WIPI1: variants seen among roughly 807,000 people sequenced by gnomAD.
WIPI1 encodes the protein WD repeat domain, phosphoinositide interacting 1.
Under a neutral mutation model 55.3 loss-of-function variants are expected in WIPI1, and 45 were observed. The ratio of observed to expected loss-of-function variants is 0.81; its 90% CI spans 0.64 to 1.04. The LOEUF (loss-of-function observed/expected upper bound fraction) is 1.04, where lower values mean the gene tolerates loss of function less well. WIPI1 is among the 50% of genes least tolerant of loss of function. WIPI1 has a pLI of 0.00. For synonymous variants in WIPI1, 195 were observed against 217.6 expected (o/e 0.90, Z 0.92); for missense variants, 445 against 559.0 (o/e 0.80, Z 2.06).
At chr17:68,450,926 A>G (rs1301767839) in intron 2 of WIPI1, 29 bp from the exon 3 acceptor site, 2 of 1,599,970 alleles carry the variant, frequency 1.3e-6, no homozygotes, top group East Asian at 2.2e-5. Context: ...GGGAGGTTAC[A>G]TGGATTGATC....
At chr17:68,430,191 C>G in intron 8 of WIPI1, 31 bp from the exon 9 acceptor site, 3 of 1,592,420 alleles carry the variant, frequency 1.9e-6, no homozygotes, top group African/African-American at 2.7e-5. Context: ...AACGATGGGA[C>G]TGGGCTGCAG....
rs572753648 is a variant in WIPI1, at chr17:68,440,102, G to A, written c.431-3623C>T. Among the ~76,000 whole-genome samples the A allele has an allele frequency of 8.4e-4, 128 of 152,304 alleles. 1 individual carries two copies. The highest frequency in any genetic ancestry group is 2.9e-3 in the African/African-American group (120 of 41,564). On this transcript the variant is annotated intron_variant, in intron 4 of 12. Transcript: ENST00000262139. ...AACAAGAAAGGGACAAAGGATAAGA[G>A]TGAGGGCAGGCATACTCTGACACAT...
rs182658502 is a variant in WIPI1 at position 68,421,933 on chromosome 17, G to A, written c.1294-113C>T. On this transcript the variant is annotated intron_variant, in intron 12 of 12. Coordinates refer to ENST00000262139, the MANE Select transcript of WIPI1 (RefSeq NM_017983.7). ...AGTGAGCAGGGAGAGGCTGGGCACT[G>A]TGGAATTTTTCTGTCTGAACTCGCT... 2.4e-5 allele frequency: 34 copies of A among 1,417,596 alleles called. No individual in the cohort carries two copies. In the Admixed American group the frequency reaches 5.8e-4, roughly 24 times the overall value. 87.8% of individuals were successfully genotyped at this position (1,417,596 alleles called of 1,614,324 possible). A position where few individuals can be genotyped will look rare whatever the true frequency, so the allele number is the denominator to read the frequency against.
intron 12 of WIPI1, among the ~76,000 whole-genome samples, chr17:68,425,762 G>C (rs900718138): frequency 3.9e-4 from 59 of 152,150 alleles, no homozygotes; most frequent in African/African-American, 1.3e-3. Context: ...TACCTTCCAG[G>C]CAGCAAAGTC....
chr17:68,435,206 C>A (rs77105622), intron 6 of WIPI1, among the ~76,000 whole-genome samples: 51 of 139,146 alleles, frequency 3.7e-4, no homozygotes, highest in South Asian at 6.9e-4. Context: ...GACTCCACCT[C>A]AAAAAAAAAA....
At chr17:68,441,075 C>G (rs770814188) in intron 4 of WIPI1, 3 of 152,134 alleles carry the variant, frequency 2.0e-5, no homozygotes, top group Non-Finnish European at 4.4e-5. Flanking sequence ...CCTCAATATC[C>G]CATAAAAGGT....
At chr17:68,438,140 C>T (rs1312451605) in intron 4 of WIPI1, among the ~76,000 whole-genome samples, 1 of 152,154 alleles carries the variant, frequency 6.6e-6, no homozygotes, top group African/African-American at 2.4e-5. Context: ...TCATTTCCTG[C>T]TCTGGCTTTG....
intron 3 of WIPI1, among the ~76,000 whole-genome samples, chr17:68,447,665 A>T (rs1203541640): frequency 3.3e-5 from 5 of 152,144 alleles, no homozygotes; most frequent in Non-Finnish European, 7.4e-5. Context: ...TGCTGGGACC[A>T]CACTTGGCCC....
At chr17:68,439,891 G>A (rs902272933) in intron 4 of WIPI1, among the ~76,000 whole-genome samples, 4 of 152,142 alleles carry the variant, frequency 2.6e-5, no homozygotes, top group East Asian at 1.9e-4. Context: ...AATACTGGGC[G>A]TGTCTTTGTG....
chr17:68,435,962 G>A (rs543499810), intron 5 of WIPI1, among the ~76,000 whole-genome samples: 3 of 152,374 alleles, frequency 2.0e-5, no homozygotes, highest in African/African-American at 7.2e-5. Flanking sequence ...AGCACCTGAT[G>A]CAGTGTGATG....
At chr17:68,429,008 C>A (rs533934347) in intron 9 of WIPI1, 72 bp from the exon 10 acceptor site, 237 of 1,128,520 alleles carry the variant, frequency 2.1e-4, no homozygotes, top group Non-Finnish European at 2.9e-4. Flanking sequence ...AATGACAAAG[C>A]CCCCCTCACC....
intron 3 of WIPI1, among the ~76,000 whole-genome samples, chr17:68,447,637 T>C (rs190473510): frequency 1.3e-5 from 2 of 152,258 alleles, no homozygotes; most frequent in African/African-American, 4.8e-5. Context: ...GCGATCCTCC[T>C]GCCTCGGCCT....
At chr17:68,436,598 C>G in intron 4 of WIPI1, 119 bp from the exon 5 acceptor site, 1 of 864,410 alleles carries the variant, frequency 1.2e-6, no homozygotes, top group Non-Finnish European at 1.8e-6. Flanking sequence ...GGAGGAATGG[C>G]TTTGCAGACA....
chr17:68,445,564 C>G (rs567009083), intron 3 of WIPI1, among the ~76,000 whole-genome samples: 1 of 152,238 alleles, frequency 6.6e-6, no homozygotes, highest in African/African-American at 2.4e-5. Flanking sequence ...GGGCTCCTCT[C>G]TCTGGTGCTT....
chr17:68,440,232 C>T (rs116085380), intron 4 of WIPI1, among the ~76,000 whole-genome samples: 1,632 of 152,262 alleles, frequency 0.011, 27 homozygotes, highest in African/African-American at 0.037. Flanking sequence ...AATGAAGGTC[C>T]CCAGAAAAGC....
chr17:68,442,766 C>T (rs1012605504), intron 4 of WIPI1, among the ~76,000 whole-genome samples: 1 of 152,154 alleles, frequency 6.6e-6, no homozygotes, highest in Non-Finnish European at 1.5e-5. Flanking sequence ...CAACTGTGTC[C>T]GCACCCCAGA....
chr17:68,438,790 A>G (rs1282908579), intron 4 of WIPI1, among the ~76,000 whole-genome samples: 1 of 152,192 alleles, frequency 6.6e-6, no homozygotes, highest in Non-Finnish European at 1.5e-5. Flanking sequence ...CAGTAGAGAC[A>G]GGGTTTCACC....
At position 68,421,793 on chromosome 17, in the gene WIPI1, C is replaced by G; in HGVS notation, c.1321G>C (p.Gly441Arg). 1 of 1,614,142 alleles carries G rather than the reference C, an allele frequency of 6.2e-7. No individual in the cohort carries two copies. The highest frequency in any genetic ancestry group is 8.5e-7 in the Non-Finnish European group (1 of 1,180,030). Residue 441 changes from glycine (G) to arginine (R), a missense_variant, in exon 13 of 13, where the codon GGC becomes CGC. Transcript: ENST00000262139. The stretch of plus-strand genomic sequence containing the variant: ...TCTCATCATGACTGCTTCGTTTTGC[C>G]CTTCTGATTTCCACGGCACAAGATT... ...PIILCRGNQKGKTKQS is the reference protein window; with the variant it reads ...PIILCRGNQKRKTKQS
chr17:68,426,244 GGGAGC>G, intron 11 of WIPI1, 69 bp from the exon 12 acceptor site: 38 of 985,688 alleles, frequency 3.9e-5, no homozygotes, highest in Middle Eastern at 3.4e-4. Flanking sequence ...CTGGCGGGTG[GGGAGC>G]GGGGGCTCAA....
Sources: allele counts gnomAD v4.1 joint callset (sites outside exome capture counted in the v4.1 genomes callset), GRCh38; gene constraint gnomAD v4.1.1; transcripts MANE v1.5; gene names NCBI Gene and HGNC (gene_info 2026-07-23, HGNC 2026-07-21).